ARHGEF33: variants seen among roughly 807,000 people sequenced by gnomAD.
ARHGEF33 encodes Rho guanine nucleotide exchange factor 33.
A neutral mutation model predicts 101.9 loss-of-function variants in ARHGEF33; 72 were observed. The ratio of observed to expected loss-of-function variants is 0.71; its 90% CI spans 0.58 to 0.86. The LOEUF is 0.86. Ranked by LOEUF, ARHGEF33 falls within the 40% of genes least tolerant of loss-of-function variation. The probability of loss-of-function intolerance (pLI) is 0.00; values close to 1 mark genes in which losing one functional copy is unlikely to be tolerated. For missense variants in ARHGEF33, 1,169 were observed against 1,111.3 expected, an observed-to-expected ratio of 1.05 and a Z score of -0.74; for synonymous variants, 499 against 442.5, an observed-to-expected ratio of 1.13 and a Z score of -1.60.
At chr2:38,915,647 C>T (rs1377474858) in intron 2 of ARHGEF33, among the ~76,000 whole-genome samples, 1 of 152,130 alleles carries the variant, frequency 6.6e-6, no homozygotes. Context: ...GCTGGGATTA[C>T]AAGCATGAGC....
At chr2:38,939,403 G>A (rs964926382) in intron 9 of ARHGEF33, among the ~76,000 whole-genome samples, 1 of 152,148 alleles carries the variant, frequency 6.6e-6, no homozygotes, top group East Asian at 1.9e-4. Flanking sequence ...AAAAGAAAAT[G>A]TCAAGCAGTT....
intron 13 of ARHGEF33, among the ~76,000 whole-genome samples, chr2:38,956,416 C>T (rs994952455): frequency 6.6e-6 from 1 of 152,170 alleles, no homozygotes; most frequent in African/African-American, 2.4e-5. Flanking sequence ...GTACTCGATA[C>T]ATTTTAGCTT....
At position 38,964,041 on chromosome 2, in the gene ARHGEF33, G is replaced by T. The variant is rs185645056; in HGVS notation, c.2344-1965G>T. ...TAGGATCAGTGGGAGCCCTGAGTTT[G>T]TTTTCCTGCAACTAGACGGTCCCAT... On this transcript the variant is annotated intron_variant, in intron 16 of 17. Coordinates refer to ENST00000409978, the MANE Select transcript of ARHGEF33 (RefSeq NM_001145451.5). Among the ~76,000 whole-genome samples, 315 of 152,286 alleles carry T rather than the reference G, an allele frequency of 2.1e-3. 1 individual carries two copies. Among genetic ancestry groups the T allele is most frequent in the African/African-American group, 7.2e-3 (299 of 41,570 alleles).
chr2:38,966,027 ACCAGATTCTGTC>A lies in ARHGEF33; in HGVS notation c.2369_2380del (p.Arg790_Pro793del). ...CCAGGAGATGCATTTAGAAGATACT[ACCAGATTCTGTC>A]CCAAAGAAGAAAGAGAAAGTGAACA... On this transcript the variant is annotated inframe_deletion, in exon 17 of 18. Transcript: ENST00000409978. 1 of 1,551,676 alleles carries A rather than the reference ACCAGATTCTGTC, an allele frequency of 6.4e-7. No individual in the cohort carries two copies. The highest frequency in any genetic ancestry group is 8.7e-7 in the Non-Finnish European group (1 of 1,146,976).
chr2:38,893,555 G>A (rs992854577), intron 1 of ARHGEF33, among the ~76,000 whole-genome samples: 13 of 152,052 alleles, frequency 8.5e-5, no homozygotes, highest in Admixed American at 2.6e-4. Flanking sequence ...CCCCACAAGG[G>A]AATTCATCTT....
chr2:38,910,912 C>T lies in ARHGEF33; in HGVS notation c.-85-8451C>T, dbSNP rs185361904. On this transcript the variant is annotated intron_variant, in intron 2 of 17. Transcript: ENST00000409978. ...AGCAGTTTATTTAAATTTAGAGAAA[C>T]ATAGAAAGACTACTGGTCTTACTTG... is the stretch of plus-strand genomic sequence containing the variant. Among the ~76,000 whole-genome samples the T allele has an allele frequency of 3.6e-3, 551 of 152,234 alleles. 2 individuals carry two copies. The highest frequency in any genetic ancestry group is 6.2e-3 in the Non-Finnish European group (422 of 68,018).
At chr2:38,929,950 TG>T in intron 6 of ARHGEF33, 120 bp downstream of exon 6, 1 of 770,702 alleles carries the variant, frequency 1.3e-6, no homozygotes, top group Non-Finnish European at 2.0e-6. Context: ...CTCCACAGCT[TG>T]GCATGCGATG....
rs1463092015 is a variant in ARHGEF33, at chr2:38,975,376, A to T, written c.*1533A>T. On this transcript the variant is annotated 3_prime_UTR_variant, in exon 18 of 18. Coordinates refer to ENST00000409978, the MANE Select transcript of ARHGEF33 (RefSeq NM_001145451.5). ...TGTGGCCGGCAGTGCTTGCAAGCAC[A>T]ACGCCAAATCGACTGGACGTGGAAA... 6.6e-6 allele frequency: 1 copy of T among 152,242 alleles called. No homozygotes were observed. Among genetic ancestry groups the T allele is most frequent in the Non-Finnish European group, 1.5e-5 (1 of 68,036 alleles). The allele number at this position is 152,242 out of a possible 1,614,324, so 9.4% of individuals were successfully genotyped here. A position where few individuals can be genotyped will look rare whatever the true frequency, so the allele number is the denominator to read the frequency against.
At chr2:38,949,772 G>A (rs1237208033) in intron 10 of ARHGEF33, among the ~76,000 whole-genome samples, 3 of 152,202 alleles carry the variant, frequency 2.0e-5, no homozygotes, top group Non-Finnish European at 4.4e-5. Context: ...CAGGAAGCAC[G>A]ATGCTGGCAT....
chr2:38,959,600 C>A, intron 15 of ARHGEF33: 1 of 452,156 alleles, frequency 2.2e-6, no homozygotes, highest in Non-Finnish European at 3.9e-6. Context: ...CAGTCCCTGG[C>A]CCGCAGGCCA....
rs768262096 is a variant in ARHGEF33 at position 38,973,884 on chromosome 2, T to C, written c.*41T>C. 14 of 1,498,632 alleles carry C rather than the reference T, an allele frequency of 9.3e-6. No individual in the cohort carries two copies. The highest frequency in any genetic ancestry group is 4.2e-5 in the African/African-American group (3 of 70,994). The allele number at this position is 1,498,632 out of a possible 1,614,324, so 92.8% of individuals were successfully genotyped here. Reference sequence around the variant, plus strand: ...GTATTGTCAAGTGGTAAGATGAGGATAAAAAGCTTGTATATATCTGTGTAG... The same window carrying C: ...GTATTGTCAAGTGGTAAGATGAGGACAAAAAGCTTGTATATATCTGTGTAG... On this transcript the variant is annotated 3_prime_UTR_variant, in exon 18 of 18. Transcript: ENST00000409978.
chr2:38,896,235 T>A (rs1016435266), intron 2 of ARHGEF33, among the ~76,000 whole-genome samples: 1 of 152,180 alleles, frequency 6.6e-6, no homozygotes, highest in African/African-American at 2.4e-5. Context: ...GCCTTCCAGG[T>A]TAAAGCAATC....
intron 15 of ARHGEF33, among the ~76,000 whole-genome samples, chr2:38,958,760 C>T (rs1464082912): frequency 6.6e-6 from 1 of 152,156 alleles, no homozygotes; most frequent in Non-Finnish European, 1.5e-5. Context: ...CAGCTCACTG[C>T]AACCTCCGCC....
chr2:38,946,209 G>T (rs1231419423), intron 10 of ARHGEF33, among the ~76,000 whole-genome samples: 1 of 152,124 alleles, frequency 6.6e-6, no homozygotes, highest in Non-Finnish European at 1.5e-5. Flanking sequence ...CAGAAGATTT[G>T]GGTAGATAAA....
intron 1 of ARHGEF33, among the ~76,000 whole-genome samples, chr2:38,891,537 T>C (rs562272835): frequency 2.0e-5 from 3 of 152,254 alleles, no homozygotes; most frequent in South Asian, 4.1e-4. Flanking sequence ...TTGCATACAA[T>C]TTCAGAAGAT....
At chr2:38,913,037 T>A (rs952448801) in intron 2 of ARHGEF33, among the ~76,000 whole-genome samples, 2 of 151,126 alleles carry the variant, frequency 1.3e-5, no homozygotes, top group African/African-American at 4.9e-5. Flanking sequence ...GTCAACAAAT[T>A]GTTTTTTTTT....
At chr2:38,904,567 G>A (rs992521416) in intron 2 of ARHGEF33, among the ~76,000 whole-genome samples, 7 of 151,914 alleles carry the variant, frequency 4.6e-5, no homozygotes, top group Non-Finnish European at 8.8e-5. Flanking sequence ...TTAGCCAGGC[G>A]TAGTCGTGGG....
chr2:38,923,730 CCAAA>C (rs1479748708), intron 4 of ARHGEF33, among the ~76,000 whole-genome samples: 1 of 152,076 alleles, frequency 6.6e-6, no homozygotes, highest in African/African-American at 2.4e-5. Context: ...CAGTCTTGTG[CCAAA>C]CAGTGTTGGA....
rs1265423111 is a variant in ARHGEF33, at chr2:38,960,012, C to A, written c.1707C>A (p.Ala569=). The change falls in exon 16 of 18, where the codon GCC becomes GCA. Residue 569 remains alanine (A), a synonymous_variant. Coordinates refer to ENST00000409978, the MANE Select transcript of ARHGEF33 (RefSeq NM_001145451.5). ...CAAEQDVKAL[A]GPLQAIPEMD... ...CCGAGCAGGACGTGAAGGCGCTGGC[C>A]GGGCCCCTGCAGGCCATCCCGGAGA... 1.3e-6 allele frequency: 2 copies of A among 1,548,636 alleles called. No individual in the cohort carries two copies. The highest frequency in any genetic ancestry group is 2.4e-5 in the South Asian group (2 of 83,946).
Sources: allele counts gnomAD v4.1 joint callset (sites outside exome capture counted in the v4.1 genomes callset), GRCh38; gene constraint gnomAD v4.1.1; transcripts MANE v1.5; gene names NCBI Gene and HGNC (gene_info 2026-07-23, HGNC 2026-07-21).